Variants in UTRN observed in about 807,000 individuals in gnomAD.
UTRN encodes the protein dystrophin-related protein 1.
A neutral mutation model predicts 463.9 loss-of-function variants in UTRN; 283 were observed. That is an observed-to-expected ratio of 0.61 (90% CI 0.55 to 0.67). The LOEUF (loss-of-function observed/expected upper bound fraction) is 0.67. Ranked by LOEUF, UTRN falls within the 30% of genes least tolerant of loss-of-function variation. The probability of loss-of-function intolerance (pLI) is 0.00; values close to 1 mark genes in which losing one functional copy is unlikely to be tolerated. For synonymous variants in UTRN, 1,442 were observed against 1,431.5 expected, an observed-to-expected ratio of 1.01 and a Z score of -0.17; for missense variants, 3,922 against 4,084.3, an observed-to-expected ratio of 0.96 and a Z score of 1.08.
Position 144,363,137 on chromosome 6 carries a change from AT to A in UTRN, c.80-39983del, listed in dbSNP as rs1185962999. Among the ~76,000 whole-genome samples, 10 of 152,346 alleles carry A rather than the reference AT, an allele frequency of 6.6e-5. 1 individual carries two copies. The highest frequency in any genetic ancestry group is 6.5e-4 in the Admixed American group (10 of 15,302). ...TAATAATTGATGGACACACAATAGTATTTAAATCTAAAAATAGAGAAACCAT... is the reference window on the plus strand; with the variant it reads ...TAATAATTGATGGACACACAATAGTATTAAATCTAAAAATAGAGAAACCAT... On this transcript the variant is annotated intron_variant, in intron 2 of 74. Transcript: ENST00000367545.
At chr6:144,756,032 T>G (rs1328581862) in intron 57 of UTRN, among the ~76,000 whole-genome samples, 1 of 152,050 alleles carries the variant, frequency 6.6e-6, no homozygotes, top group Non-Finnish European at 1.5e-5. Context: ...ACCTTAGACC[T>G]TAGGTAGTTA....
At chr6:144,706,659 T>C (rs1785131343) in intron 53 of UTRN, 1 of 152,224 alleles carries the variant, frequency 6.6e-6, no homozygotes, top group East Asian at 1.9e-4. Flanking sequence ...CATATACTTA[T>C]TGGTAAATAT....
intron 46 of UTRN, among the ~76,000 whole-genome samples, chr6:144,546,992 T>G (rs1798474650): frequency 6.6e-6 from 1 of 152,244 alleles, no homozygotes; most frequent in Non-Finnish European, 1.5e-5. Flanking sequence ...TTATGTAGAC[T>G]TAGATAAAAC....
chr6:144,803,195 A>G lies in UTRN; in HGVS notation c.9357+48A>G, dbSNP rs1459736118. 4.5e-6 allele frequency: 5 copies of G among 1,118,760 alleles called. No homozygotes were observed. The African/African-American group carries it at 4.9e-5, about 11-fold the overall frequency. The allele number at this position is 1,118,760 out of a possible 1,614,324, so 69.3% of individuals were successfully genotyped here. ...GTTTTTAATACATTGCCATTGAATT[A>G]ACTAGTATCTAAAATTTTATTATTT... On this transcript the variant is annotated intron_variant, in intron 65 of 74. Coordinates refer to ENST00000367545, the MANE Select transcript of UTRN (RefSeq NM_007124.3).
intron 51 of UTRN, among the ~76,000 whole-genome samples, chr6:144,595,411 G>A (rs1296515494): frequency 6.6e-6 from 1 of 152,200 alleles, no homozygotes; most frequent in Admixed American, 6.5e-5. Context: ...TCAAACTTCT[G>A]TGTGTCTCAA....
intron 2 of UTRN, among the ~76,000 whole-genome samples, chr6:144,389,698 A>G (rs1178367659): frequency 1.3e-5 from 2 of 151,990 alleles, no homozygotes; most frequent in Non-Finnish European, 2.9e-5. Flanking sequence ...TCCCAGGTTC[A>G]AGCGATTCTC....
chr6:144,672,872 C>A (rs144027191), intron 51 of UTRN, among the ~76,000 whole-genome samples: 1 of 152,166 alleles, frequency 6.6e-6, no homozygotes, highest in East Asian at 1.9e-4. Flanking sequence ...GGTTGTGTCA[C>A]TATTATTGTT....
chr6:144,307,063 GA>G (rs370017840), intron 2 of UTRN, among the ~76,000 whole-genome samples: 6,672 of 141,122 alleles, frequency 0.047, 462 homozygotes, highest in African/African-American at 0.16. Context: ...TGACTCTGTT[GA>G]AAAAAAAAAA....
chr6:144,615,973 T>C (rs1806041737), intron 51 of UTRN, among the ~76,000 whole-genome samples: 1 of 152,116 alleles, frequency 6.6e-6, no homozygotes, highest in African/African-American at 2.4e-5. Flanking sequence ...ATCACTCCTG[T>C]CCCCTGGCCC....
intron 74 of UTRN, 35 bp from the exon 75 acceptor site, chr6:144,850,954 C>A: frequency 1.2e-6 from 2 of 1,613,294 alleles, no homozygotes; most frequent in Non-Finnish European, 1.7e-6. Context: ...ATGTTTTGTG[C>A]AAATTTCTGA....
intron 58 of UTRN, among the ~76,000 whole-genome samples, chr6:144,764,437 A>G (rs145633840): frequency 2.4e-4 from 36 of 152,316 alleles, no homozygotes; most frequent in African/African-American, 8.4e-4. Flanking sequence ...TTGTTGGGCC[A>G]TGAAGTAGTA....
At chr6:144,564,942 G>GTA (rs1800269350) in intron 50 of UTRN, among the ~76,000 whole-genome samples, 1 of 152,258 alleles carries the variant, frequency 6.6e-6, no homozygotes, top group Non-Finnish European at 1.5e-5. Flanking sequence ...TGTCTAATGT[G>GTA]TATATATATT....
chr6:144,374,945 CAAA>C (rs757547113), intron 2 of UTRN, among the ~76,000 whole-genome samples: 3 of 49,178 alleles, frequency 6.1e-5, no homozygotes, highest in Non-Finnish European at 4.3e-5. Context: ...GACTCCATCT[CAAA>C]AAAAAAAAAA....
At chr6:144,351,844 C>T (rs1311739559) in intron 2 of UTRN, among the ~76,000 whole-genome samples, 4 of 152,206 alleles carry the variant, frequency 2.6e-5, no homozygotes, top group Non-Finnish European at 4.4e-5. Context: ...ACAGATTCTT[C>T]CAGGTCACTT....
At chr6:144,580,954 T>C (rs993010334) in intron 51 of UTRN, among the ~76,000 whole-genome samples, 11 of 152,160 alleles carry the variant, frequency 7.2e-5, no homozygotes, top group African/African-American at 2.4e-4. Flanking sequence ...AATGACTCAA[T>C]AGTATACATA....
intron 40 of UTRN, 100 bp downstream of exon 40, chr6:144,522,271 A>T: frequency 1.0e-6 from 1 of 957,524 alleles, no homozygotes; most frequent in Non-Finnish European, 1.4e-6. Context: ...ATCTTTTACA[A>T]TTTGTGCCAG....
rs746080010 is a variant in UTRN at position 144,748,463 on chromosome 6, C to T, written c.8157C>T (p.Pro2719=). 16 of 1,613,738 alleles carry T rather than the reference C, an allele frequency of 9.9e-6. 1 individual carries two copies. The highest frequency in any genetic ancestry group is 5.5e-5 in the South Asian group (5 of 91,080). ...AGTCCGTGCGGAATGGCTGGAAGCC[C>T]GTGGGAGACTTACTCATTGACTCGC... ...EAESVRNGWK[P]VGDLLIDSLQ... is the part of the protein sequence containing the mutation. The change falls in exon 55 of 75, where the codon CCC becomes CCT. Residue 2719 remains proline (P), a synonymous_variant. Transcript: ENST00000367545.
intron 16 of UTRN, 63 bp from the exon 17 acceptor site, chr6:144,448,537 A>G (rs1299901319): frequency 1.9e-6 from 3 of 1,550,810 alleles, no homozygotes; most frequent in Admixed American, 3.8e-5. Context: ...ATTTTATAGC[A>G]TGTGAATTAC....
At chr6:144,796,048 C>A (rs1177249578) in intron 63 of UTRN, among the ~76,000 whole-genome samples, 1 of 152,000 alleles carries the variant, frequency 6.6e-6, no homozygotes, top group African/African-American at 2.4e-5. Flanking sequence ...GGTTTTAGGT[C>A]TTACATTTAA....
Sources: gnomAD v4.1 joint callset for allele counts (sites outside exome capture counted in the v4.1 genomes callset) on GRCh38, gnomAD v4.1.1 for gene constraint, MANE v1.5 for transcripts, NCBI Gene and HGNC (gene_info 2026-07-23, HGNC 2026-07-21) for gene names.